The following SGPL1 variants were observed in gnomAD, a reference collection of about 807,000 sequenced individuals.
SGPL1 encodes the protein SP-lyase 1.
In SGPL1, 37 loss-of-function variants were observed where a neutral mutation model predicts 68.9. The observed-to-expected ratio is 0.54, with a 90% CI of 0.41 to 0.71. The LOEUF (loss-of-function observed/expected upper bound fraction) is 0.71. Among genes scored for constraint, SGPL1 ranks in the 30% least tolerant of loss-of-function variants. The pLI is 0.00. For missense variants in SGPL1, 551 were observed against 704.6 expected (o/e 0.78, Z 2.47); for synonymous variants, 236 against 248.5 (o/e 0.95, Z 0.47).
chr10:70,829,729 A>G (rs1162111063), intron 2 of SGPL1, among the ~76,000 whole-genome samples: 1 of 152,184 alleles, frequency 6.6e-6, no homozygotes, highest in Non-Finnish European at 1.5e-5. Flanking sequence ...TTTGATTACC[A>G]GTCCAGACTT....
chr10:70,833,667 G>C (rs1037520993), intron 2 of SGPL1, among the ~76,000 whole-genome samples: 4 of 151,894 alleles, frequency 2.6e-5, no homozygotes, highest in Admixed American at 2.6e-4. Flanking sequence ...TTTTTTTGGT[G>C]GGGGGGCAGA....
At chr10:70,816,398 C>T (rs537133902) in intron 1 of SGPL1, among the ~76,000 whole-genome samples, 1 of 152,166 alleles carries the variant, frequency 6.6e-6, no homozygotes, top group African/African-American at 2.4e-5. Flanking sequence ...TTTGCTGGTC[C>T]TCCGACGGGA....
chr10:70,864,232 C>G (rs1846137363), intron 7 of SGPL1, among the ~76,000 whole-genome samples: 1 of 152,100 alleles, frequency 6.6e-6, no homozygotes, highest in Admixed American at 6.5e-5. Context: ...TCTTCTCTGC[C>G]CCACATTTTT....
chr10:70,822,406 G>A (rs1845353656), intron 2 of SGPL1, among the ~76,000 whole-genome samples: 2 of 152,150 alleles, frequency 1.3e-5, no homozygotes, highest in Non-Finnish European at 1.5e-5. Flanking sequence ...CTATGTGTCA[G>A]GAATTTTTAG....
At chr10:70,835,735 C>CAAAAAAAAAAAAAA (rs66962270) in intron 2 of SGPL1, among the ~76,000 whole-genome samples, 5 of 70,126 alleles carry the variant, frequency 7.1e-5, no homozygotes, top group Admixed American at 1.6e-4. Flanking sequence ...GACTCCGTCT[C>CAAAAAAAAAAAAAA]AAAAAAAAAA....
chr10:70,876,409 C>A, intron 13 of SGPL1, 132 bp from the exon 14 acceptor site: 2 of 791,320 alleles, frequency 2.5e-6, no homozygotes, highest in Non-Finnish European at 3.9e-6. Context: ...GGACTAGGAA[C>A]AACTTGGATG....
intron 8 of SGPL1, 84 bp from the exon 9 acceptor site, chr10:70,869,708 T>TCC: frequency 1.0e-6 from 1 of 978,816 alleles, no homozygotes; most frequent in Non-Finnish European, 1.5e-6. Context: ...CAGAACTTAC[T>TCC]CCCGGTAATT....
At chr10:70,826,376 G>A (rs572540325) in intron 2 of SGPL1, among the ~76,000 whole-genome samples, 7 of 152,184 alleles carry the variant, frequency 4.6e-5, no homozygotes, top group African/African-American at 1.7e-4. Context: ...CTGTCATTCC[G>A]CTATCAGTAG....
At chr10:70,835,173 C>T (rs919290616) in intron 2 of SGPL1, among the ~76,000 whole-genome samples, 37 of 152,282 alleles carry the variant, frequency 2.4e-4, no homozygotes, top group African/African-American at 9.6e-5. Flanking sequence ...TTTGAATAAA[C>T]GTTGAGTTCC....
chr10:70,846,359 T>C lies in SGPL1; in HGVS notation c.193+1721T>C, dbSNP rs116491809. Among the ~76,000 whole-genome samples the C allele has an allele frequency of 5.9e-3, 769 of 130,682 alleles. 5 individuals carry two copies. The highest frequency in any genetic ancestry group is 0.02 in the African/African-American group (689 of 34,506). 85.7% of individuals were successfully genotyped at this position (130,682 alleles called of 152,430 possible). The stretch of plus-strand genomic sequence containing the variant: ...GGATTCTGAGGGGTAGCAAGAAATA[T>C]ACTTTCTTTTTATTTTTTAACTTTT... On this transcript the variant is annotated intron_variant, in intron 3 of 14. Transcript: ENST00000373202.
intron 2 of SGPL1, among the ~76,000 whole-genome samples, chr10:70,819,061 G>A (rs953578749): frequency 3.9e-5 from 6 of 152,208 alleles, no homozygotes; most frequent in Admixed American, 3.3e-4. Context: ...TAAATTATAG[G>A]TTCTTATATG....
chr10:70,862,077 C>A (rs1469253762), intron 7 of SGPL1, among the ~76,000 whole-genome samples: 1 of 149,998 alleles, frequency 6.7e-6, no homozygotes, highest in Non-Finnish European at 1.5e-5. Context: ...GGCAGCTCCA[C>A]CCGCAGCCCC....
intron 2 of SGPL1, among the ~76,000 whole-genome samples, chr10:70,831,287 C>A (rs945141328): frequency 6.6e-6 from 1 of 152,138 alleles, no homozygotes; most frequent in Admixed American, 6.5e-5. Flanking sequence ...TTTCCCCACA[C>A]TCCAAGAAGC....
intron 7 of SGPL1, chr10:70,866,583 G>A (rs1250756455): frequency 6.6e-6 from 1 of 152,172 alleles, no homozygotes; most frequent in African/African-American, 2.4e-5. Context: ...TGTTGCACTG[G>A]TGACTTGGAC....
chr10:70,823,443 C>A (rs1479855589), intron 2 of SGPL1, among the ~76,000 whole-genome samples: 1 of 149,970 alleles, frequency 6.7e-6, no homozygotes, highest in Non-Finnish European at 1.5e-5. Context: ...TGTTTAGTAC[C>A]AACCTGATGA....
chr10:70,859,031 C>T (rs1846006956), intron 6 of SGPL1, among the ~76,000 whole-genome samples: 1 of 152,194 alleles, frequency 6.6e-6, no homozygotes, highest in Non-Finnish European at 1.5e-5. Context: ...AAGATAGCTA[C>T]CATAACAACT....
In SGPL1 at chr10:70,816,816, G is replaced by GA. The variant is rs747756549; in HGVS notation, c.-33dup. 6.5e-5 allele frequency: 105 copies of GA among 1,611,580 alleles called. No homozygotes were observed. Among genetic ancestry groups the GA allele is most frequent in the Non-Finnish European group, 8.7e-5 (103 of 1,177,804 alleles). On this transcript the variant is annotated 5_prime_UTR_variant, in exon 2 of 15. Coordinates refer to ENST00000373202, the MANE Select transcript of SGPL1 (RefSeq NM_003901.4). ...AACCTGGTTCCCTTTTACAGAGTCT[G>GA]AAAAAGGGGAGCGCGGAGAGGAGGC...
At chr10:70,877,146 G>A (rs1564633490) in intron 14 of SGPL1, 49 bp from the exon 15 acceptor site, 1 of 1,601,482 alleles carries the variant, frequency 6.2e-7, no homozygotes. Context: ...TTTTATTCTT[G>A]CTTTTGGACC....
At chr10:70,858,882 A>G (rs1846004216) in intron 6 of SGPL1, among the ~76,000 whole-genome samples, 1 of 152,148 alleles carries the variant, frequency 6.6e-6, no homozygotes. Flanking sequence ...TCAGGATGTT[A>G]GTTGTTCCCT....
Sources: gnomAD v4.1 joint callset for allele counts (sites outside exome capture counted in the v4.1 genomes callset) on GRCh38, gnomAD v4.1.1 for gene constraint, MANE v1.5 for transcripts, NCBI Gene and HGNC (gene_info 2026-07-23, HGNC 2026-07-21) for gene names.